The following PPP3R1 variants were observed in gnomAD, a reference collection of about 807,000 sequenced individuals.
PPP3R1 encodes the protein protein phosphatase 3 regulatory subunit B, alpha.
PPP3R1 carries 5 observed loss-of-function variants against 22.6 expected under a neutral mutation model. That is an observed-to-expected ratio of 0.22 (90% confidence interval 0.12 to 0.46). The LOEUF (loss-of-function observed/expected upper bound fraction) is 0.46. Ranked by LOEUF, PPP3R1 falls within the 20% of genes least tolerant of loss-of-function variation. The probability of loss-of-function intolerance (pLI) is 0.99; values close to 1 mark genes in which losing one functional copy is unlikely to be tolerated. For synonymous variants in PPP3R1, 56 were observed against 65.2 expected (o/e 0.86, Z 0.68); for missense variants, 61 against 203.2 (o/e 0.30, Z 4.25).
At chr2:68,239,187 G>A (rs1248789251) in intron 1 of PPP3R1, among the ~76,000 whole-genome samples, 1 of 152,118 alleles carries the variant, frequency 6.6e-6, no homozygotes, top group Non-Finnish European at 1.5e-5. Flanking sequence ...TGAACTAAAC[G>A]GACAGTATAC....
At chr2:68,251,446 G>A (rs1451029094) in intron 1 of PPP3R1, among the ~76,000 whole-genome samples, 1 of 152,194 alleles carries the variant, frequency 6.6e-6, no homozygotes, top group Admixed American at 6.5e-5. Flanking sequence ...AACCAAGTTC[G>A]CGTATGTTTT....
chr2:68,232,124 TAC>T (rs751934251), intron 1 of PPP3R1, among the ~76,000 whole-genome samples: 15 of 97,988 alleles, frequency 1.5e-4, no homozygotes, highest in Non-Finnish European at 2.7e-4. Flanking sequence ...TATATATATA[TAC>T]ACACACACAC....
chr2:68,185,528 T>C lies in PPP3R1; in HGVS notation c.465+940A>G, dbSNP rs1417431466. On this transcript the variant is annotated intron_variant, in intron 5 of 5. Coordinates refer to ENST00000234310, the MANE Select transcript of PPP3R1 (RefSeq NM_000945.4). Reference sequence around the variant, plus strand: ...TTTTATTTATATATATATATATATCTCCCCTCTTCCAATACCATTGAAGCC... The same window carrying C: ...TTTTATTTATATATATATATATATCCCCCCTCTTCCAATACCATTGAAGCC... 6.7e-5 allele frequency among the ~76,000 whole-genome samples: 10 copies of C among 149,074 alleles called. No homozygotes were observed. In the East Asian group the frequency reaches 1.9e-3, roughly 29 times the overall value.
intron 1 of PPP3R1, among the ~76,000 whole-genome samples, chr2:68,232,122 T>TACAC (rs1165774321): frequency 4.2e-5 from 2 of 48,178 alleles, no homozygotes; most frequent in African/African-American, 1.0e-4. Flanking sequence ...TATATATATA[T>TACAC]ATACACACAC....
intron 2 of PPP3R1, among the ~76,000 whole-genome samples, chr2:68,215,083 G>T (rs1428965165): frequency 6.6e-6 from 1 of 151,904 alleles, no homozygotes; most frequent in Non-Finnish European, 1.5e-5. Context: ...TAAACAACAA[G>T]AACACATGGA....
At chr2:68,242,416 A>C (rs1670153976) in intron 1 of PPP3R1, among the ~76,000 whole-genome samples, 1 of 150,788 alleles carries the variant, frequency 6.6e-6, no homozygotes. Flanking sequence ...ACAGAGCAAG[A>C]CTCCGTCTAA....
chr2:68,221,545 T>C (rs1273164340), intron 1 of PPP3R1, among the ~76,000 whole-genome samples: 1 of 152,186 alleles, frequency 6.6e-6, no homozygotes, highest in Non-Finnish European at 1.5e-5. Flanking sequence ...TAAAATGACT[T>C]TGTTATGTGA....
At chr2:68,249,250 A>C (rs1219683770) in intron 1 of PPP3R1, among the ~76,000 whole-genome samples, 1 of 152,124 alleles carries the variant, frequency 6.6e-6, no homozygotes, top group Non-Finnish European at 1.5e-5. Flanking sequence ...TGAGTGGATA[A>C]ATTTTCTCAG....
At chr2:68,194,350 AAAAGTGACTTCAAG>A (rs560640865) in intron 2 of PPP3R1, among the ~76,000 whole-genome samples, 17 of 152,120 alleles carry the variant, frequency 1.1e-4, no homozygotes, top group Non-Finnish European at 2.2e-4. Context: ...ACTCATTTTA[AAAAGTGACTTCAAG>A]AATCTTGTTA....
At chr2:68,210,834 G>GTGT (rs905709739) in intron 2 of PPP3R1, among the ~76,000 whole-genome samples, 18 of 152,172 alleles carry the variant, frequency 1.2e-4, no homozygotes, top group Admixed American at 5.9e-4. Context: ...AACTTTTTGA[G>GTGT]TGTTGACATG....
chr2:68,202,653 G>A (rs1446631074), intron 2 of PPP3R1, among the ~76,000 whole-genome samples: 2 of 151,606 alleles, frequency 1.3e-5, no homozygotes, highest in East Asian at 1.9e-4. Context: ...ACGAACTCCC[G>A]ACCTCAGGTG....
intron 1 of PPP3R1, among the ~76,000 whole-genome samples, chr2:68,218,205 T>C (rs1162196357): frequency 6.6e-6 from 1 of 152,142 alleles, no homozygotes; most frequent in East Asian, 1.9e-4. Context: ...ACAATTAACA[T>C]GGGCATATTT....
intron 1 of PPP3R1, among the ~76,000 whole-genome samples, chr2:68,231,470 T>C (rs1669896781): frequency 1.3e-5 from 2 of 151,668 alleles, no homozygotes; most frequent in Admixed American, 1.3e-4. Context: ...AATAATAGAT[T>C]TTATTAGTTG....
At position 68,179,009 on chromosome 2, in the gene PPP3R1, A is replaced by AAAAAAAAAAAAAAAAG. The variant is rs1553403013; in HGVS notation, c.*1953_*1954insCTTTTTTTTTTTTTTT. Reference sequence around the variant, plus strand: ...CACACACAAACTAAAAAAAAAAAAAAAAAAAAAGAAAAAGAAAAAACCCTC... The same window carrying AAAAAAAAAAAAAAAAG: ...CACACACAAACTAAAAAAAAAAAAAAAAAAAAAAAAAAAAAGAAAAAAAGAAAAAGAAAAAACCCTC... On this transcript the variant is annotated 3_prime_UTR_variant, in exon 6 of 6. Transcript: ENST00000234310. The AAAAAAAAAAAAAAAAG allele has an allele frequency of 8.2e-6, 1 of 122,522 alleles. No homozygotes were observed. The highest frequency in any genetic ancestry group is 3.2e-5 in the African/African-American group (1 of 31,228). 7.6% of individuals were successfully genotyped at this position (122,522 alleles called of 1,614,324 possible).
chr2:68,241,797 T>C (rs1391437531), intron 1 of PPP3R1, among the ~76,000 whole-genome samples: 2 of 150,092 alleles, frequency 1.3e-5, no homozygotes, highest in South Asian at 2.1e-4. Context: ...TGAACCGAGA[T>C]TGCACCACTG....
chr2:68,205,562 AAACTCTTT>A (rs1458555054), intron 2 of PPP3R1, among the ~76,000 whole-genome samples: 1 of 152,118 alleles, frequency 6.6e-6, no homozygotes, highest in Non-Finnish European at 1.5e-5. Flanking sequence ...TAAAAGATAA[AAACTCTTT>A]AACACATCAT....
chr2:68,202,732 T>C (rs1475156374), intron 2 of PPP3R1, among the ~76,000 whole-genome samples: 1 of 151,652 alleles, frequency 6.6e-6, no homozygotes, highest in African/African-American at 2.4e-5. Flanking sequence ...GCCAGTCCTT[T>C]ACTTGAGACT....
rs1558624657 is a variant in PPP3R1 at position 68,179,013 on chromosome 2, A to AG, written c.*1949_*1950insC. On this transcript the variant is annotated 3_prime_UTR_variant, in exon 6 of 6. Transcript: ENST00000234310. ...CACAAACTAAAAAAAAAAAAAAAAA[A>AG]AAAGAAAAAGAAAAAACCCTCATTC... The AG allele has an allele frequency of 3.5e-5, 5 of 143,618 alleles. No individual in the cohort carries two copies. The East Asian group carries it at 5.8e-4, about 17-fold the overall frequency. 8.9% of individuals were successfully genotyped at this position (143,618 alleles called of 1,614,324 possible).
intron 1 of PPP3R1, among the ~76,000 whole-genome samples, chr2:68,246,202 G>A (rs1347323841): frequency 6.7e-6 from 1 of 148,904 alleles, no homozygotes; most frequent in Admixed American, 6.8e-5. Flanking sequence ...AGCCTCCTAA[G>A]TAGCTGGCAT....
Sources: gnomAD v4.1 joint callset for allele counts (sites outside exome capture counted in the v4.1 genomes callset) on GRCh38, gnomAD v4.1.1 for gene constraint, MANE v1.5 for transcripts, NCBI Gene and HGNC (gene_info 2026-07-23, HGNC 2026-07-21) for gene names.